SPAG9: variants seen among roughly 807,000 people sequenced by gnomAD.
SPAG9 encodes C-Jun-amino-terminal kinase-interacting protein 4.
In SPAG9, 35 loss-of-function variants were observed where a neutral mutation model predicts 166.5. The observed-to-expected ratio is 0.21, with a 90% confidence interval of 0.16 to 0.28. The LOEUF (loss-of-function observed/expected upper bound fraction) is 0.28. Among genes scored for constraint, SPAG9 ranks in the 10% least tolerant of loss-of-function variants. SPAG9 has a pLI of 1.00. For synonymous variants in SPAG9, 534 were observed against 565.5 expected, an observed-to-expected ratio of 0.94 and a Z score of 0.79; for missense variants, 1,235 against 1,603.3, an observed-to-expected ratio of 0.77 and a Z score of 3.92.
intron 6 of SPAG9, among the ~76,000 whole-genome samples, chr17:51,022,437 T>C (rs1261393110): frequency 6.6e-6 from 1 of 152,140 alleles, no homozygotes; most frequent in Non-Finnish European, 1.5e-5. Flanking sequence ...CAAATTGAAA[T>C]TGTATGCAAA....
chr17:51,037,687 T>TATATATATATATATATATA (rs1568028331), intron 5 of SPAG9, among the ~76,000 whole-genome samples: 14 of 74,144 alleles, frequency 1.9e-4, no homozygotes, highest in African/African-American at 6.3e-4. Flanking sequence ...ATATATATAG[T>TATATATATATATATATATA]GTGTGTGTGT....
intron 8 of SPAG9, among the ~76,000 whole-genome samples, chr17:51,017,906 C>A (rs962511345): frequency 6.6e-6 from 1 of 152,092 alleles, no homozygotes; most frequent in Non-Finnish European, 1.5e-5. Context: ...ATGCTTTTAA[C>A]CGCTACAGAG....
At chr17:51,071,282 G>C (rs569239010) in intron 2 of SPAG9, among the ~76,000 whole-genome samples, 19 of 152,210 alleles carry the variant, frequency 1.2e-4, no homozygotes, top group African/African-American at 3.6e-4. Context: ...AATATAAAAA[G>C]TACTTTCTGA....
intron 1 of SPAG9, among the ~76,000 whole-genome samples, chr17:51,102,882 C>A (rs766769942): frequency 6.6e-6 from 1 of 152,118 alleles, no homozygotes; most frequent in Non-Finnish European, 1.5e-5. Flanking sequence ...TGGGCTCAAT[C>A]TCTTGAGTAG....
intron 2 of SPAG9, among the ~76,000 whole-genome samples, chr17:51,060,257 C>G (rs988804449): frequency 1.1e-4 from 16 of 152,040 alleles, no homozygotes; most frequent in African/African-American, 3.9e-4. Context: ...GTAATCCCAG[C>G]ACTTTGGGAG....
intron 15 of SPAG9, among the ~76,000 whole-genome samples, chr17:50,997,580 T>C (rs1000326026): frequency 1.3e-5 from 2 of 152,238 alleles, no homozygotes; most frequent in Non-Finnish European, 2.9e-5. Flanking sequence ...ATTTTGGCCA[T>C]TTAAATTTTC....
chr17:51,043,985 C>T (rs1401266918), intron 4 of SPAG9, among the ~76,000 whole-genome samples: 1 of 152,134 alleles, frequency 6.6e-6, no homozygotes, highest in Non-Finnish European at 1.5e-5. Flanking sequence ...ATAGAATTCC[C>T]ACCTTTTTAA....
intron 2 of SPAG9, among the ~76,000 whole-genome samples, chr17:51,061,938 T>C (rs1344106431): frequency 1.3e-5 from 2 of 152,212 alleles, no homozygotes; most frequent in African/African-American, 2.4e-5. Flanking sequence ...TATCAATCCA[T>C]TCTCTAACCA....
Position 51,054,261 on chromosome 17 carries a change from T to A in SPAG9, c.495+2151A>T, listed in dbSNP as rs1456407720. ...CCTCCTGAATAGCTGGGACTAAAGG[T>A]GCAGGCCACCATGCCTGGCTATTTT... On this transcript the variant is annotated intron_variant, in intron 3 of 29. Transcript: ENST00000262013. Among the ~76,000 whole-genome samples, 3 of 149,162 alleles carry A rather than the reference T, an allele frequency of 2.0e-5. No individual in the cohort carries two copies. The Admixed American group carries it at 2.0e-4, about 10-fold the overall frequency.
chr17:51,018,504 T>A (rs2045797409), intron 8 of SPAG9, among the ~76,000 whole-genome samples: 1 of 152,218 alleles, frequency 6.6e-6, no homozygotes, highest in African/African-American at 2.4e-5. Context: ...CTCTTCCTGA[T>A]CTGGTGGAAG....
At chr17:51,026,669 CTTTTCTTTTTT>C in intron 6 of SPAG9, among the ~76,000 whole-genome samples, 1 of 131,050 alleles carries the variant, frequency 7.6e-6, no homozygotes, top group South Asian at 2.4e-4. Flanking sequence ...TTTTCTTTTT[CTTTTCTTTTTT>C]TTTTTTTTTT....
In SPAG9 at chr17:51,056,421, T is replaced by C; in HGVS notation, c.486A>G (p.Arg162=). The C allele has an allele frequency of 6.2e-7, 1 of 1,601,530 alleles. No individual in the cohort carries two copies. The highest frequency in any genetic ancestry group is 8.6e-7 in the Non-Finnish European group (1 of 1,168,924). ...AAACCTAGAAACCCACCTCAGTGTG[T>C]CTTTGATGTAATGCATTATATTCCT... ...LKKEYNALHQ[R]HTEMIHNYME... is the part of the protein sequence containing the mutation. Residue 162 remains arginine (R), a synonymous_variant, in exon 3 of 30, where the codon AGA becomes AGG. Transcript: ENST00000262013.
At chr17:51,093,978 C>T (rs949133445) in intron 1 of SPAG9, among the ~76,000 whole-genome samples, 25 of 152,110 alleles carry the variant, frequency 1.6e-4, no homozygotes, top group Non-Finnish European at 8.8e-5. Flanking sequence ...AGGCAGGTGC[C>T]AAATGACAAG....
chr17:50,982,418 C>T, intron 25 of SPAG9, 106 bp downstream of exon 25: 1 of 1,087,178 alleles, frequency 9.2e-7, no homozygotes. Context: ...CCCTAAAACA[C>T]ACAGATCCAG....
intron 2 of SPAG9, among the ~76,000 whole-genome samples, chr17:51,075,818 G>A (rs1175143432): frequency 2.0e-5 from 3 of 151,400 alleles, no homozygotes; most frequent in African/African-American, 4.9e-5. Context: ...AGCCAGACTC[G>A]GTCTCTGAGA....
In SPAG9 at chr17:51,001,741, T is replaced by C. The variant is rs1300296869; in HGVS notation, c.1581A>G (p.Glu527=). The C allele has an allele frequency of 1.2e-5, 20 of 1,611,736 alleles. No individual in the cohort carries two copies. Among genetic ancestry groups the C allele is most frequent in the Non-Finnish European group, 1.6e-5 (19 of 1,179,476 alleles). Residue 527 remains glutamate, a synonymous_variant, in exon 13 of 30, where the codon GAA becomes GAG. Coordinates refer to ENST00000262013, the MANE Select transcript of SPAG9 (RefSeq NM_001130528.3). ...GAATCATCTCTGTCCATCGAACAGC[T>C]TCCTGAAGCTCCATCAATCTCTCTT... ...QYKERLMELQ[E]AVRWTEMIRA...
chr17:51,066,808 C>T (rs2144575588), intron 2 of SPAG9, among the ~76,000 whole-genome samples: 1 of 152,048 alleles, frequency 6.6e-6, no homozygotes, highest in Non-Finnish European at 1.5e-5. Context: ...AGGGGAATCG[C>T]TTGAACCTGG....
At chr17:51,060,210 G>C (rs371694057) in intron 2 of SPAG9, among the ~76,000 whole-genome samples, 1 of 151,888 alleles carries the variant, frequency 6.6e-6, no homozygotes, top group Non-Finnish European at 1.5e-5. Context: ...GGGCCTTTAA[G>C]AAGATAATTA....
intron 2 of SPAG9, among the ~76,000 whole-genome samples, chr17:51,066,100 C>T (rs1203932000): frequency 2.0e-5 from 3 of 150,768 alleles, no homozygotes; most frequent in Non-Finnish European, 4.4e-5. Context: ...GGTATGTTAC[C>T]CCATTACGCT....
Sources: allele counts gnomAD v4.1 joint callset (sites outside exome capture counted in the v4.1 genomes callset), GRCh38; gene constraint gnomAD v4.1.1; transcripts MANE v1.5; gene names NCBI Gene and HGNC (gene_info 2026-07-23, HGNC 2026-07-21).